Variants in SPAG9 observed in about 807,000 individuals in gnomAD.
The protein encoded by SPAG9 is sperm associated antigen 9.
Under a neutral mutation model 166.5 loss-of-function variants are expected in SPAG9, and 35 were observed. That is an observed-to-expected ratio of 0.21 (90% confidence interval 0.16 to 0.28). SPAG9 has a LOEUF of 0.28. Among genes scored for constraint, SPAG9 ranks in the 10% least tolerant of loss-of-function variants. SPAG9 has a pLI of 1.00. For missense variants in SPAG9, 1,235 were observed against 1,603.3 expected (o/e 0.77, Z 3.92); for synonymous variants, 534 against 565.5 (o/e 0.94, Z 0.79).
chr17:50,989,334 T>C (rs75733743), intron 21 of SPAG9, among the ~76,000 whole-genome samples: 5,087 of 152,288 alleles, frequency 0.033, 227 homozygotes, highest in East Asian at 0.19. Context: ...TGATAAGCCA[T>C]ACCATCTAGA....
At position 51,021,940 on chromosome 17, in the gene SPAG9, T is replaced by C. The variant is rs372743667; in HGVS notation, c.784-575A>G. 6.6e-5 allele frequency among the ~76,000 whole-genome samples: 10 copies of C among 152,014 alleles called. No individual in the cohort carries two copies. The East Asian group carries it at 7.7e-4, about 12-fold the overall frequency. ...GAGTTCGAGACCAGCCTGGCCAACA[T>C]GGTGAAACCCCGTCTCTACTAAAAA... On this transcript the variant is annotated intron_variant, in intron 6 of 29. Coordinates refer to ENST00000262013, the MANE Select transcript of SPAG9 (RefSeq NM_001130528.3).
chr17:51,066,803 A>G (rs1417386435), intron 2 of SPAG9, among the ~76,000 whole-genome samples: 1 of 151,992 alleles, frequency 6.6e-6, no homozygotes, highest in African/African-American at 2.4e-5. Flanking sequence ...GAGGCAGGGG[A>G]ATCGCTTGAA....
At chr17:51,113,862 G>A (rs974235316) in intron 1 of SPAG9, among the ~76,000 whole-genome samples, 2 of 151,830 alleles carry the variant, frequency 1.3e-5, no homozygotes, top group Non-Finnish European at 2.9e-5. Flanking sequence ...AGGCATGGCG[G>A]CATGATCCTG....
chr17:51,049,519 A>T (rs570023834), intron 3 of SPAG9, among the ~76,000 whole-genome samples: 17 of 152,102 alleles, frequency 1.1e-4, no homozygotes, highest in African/African-American at 3.1e-4. Context: ...CTACAAAAAA[A>T]TTTTTAAAAA....
intron 2 of SPAG9, among the ~76,000 whole-genome samples, chr17:51,075,831 A>T (rs879573206): frequency 6.6e-5 from 10 of 152,008 alleles, no homozygotes; most frequent in Non-Finnish European, 1.2e-4. Flanking sequence ...CTCTGAGAAA[A>T]AAAGAAAAAG....
rs1239063121 is a variant in SPAG9, at chr17:50,965,035, A to G, written c.*1237T>C. The G allele has an allele frequency of 1.3e-5, 2 of 153,512 alleles. No homozygotes were observed. Among genetic ancestry groups the G allele is most frequent in the African/African-American group, 4.8e-5 (2 of 41,282 alleles). 9.5% of individuals were successfully genotyped at this position (153,512 alleles called of 1,614,324 possible). A position where few individuals can be genotyped will look rare whatever the true frequency, so the allele number is the denominator to read the frequency against. Reference sequence around the variant, plus strand: ...CTCAGCCTCCTAAAGTGTTGGGATTACAGGCGTGAGCCACCATGCCCAACC... The same window carrying G: ...CTCAGCCTCCTAAAGTGTTGGGATTGCAGGCGTGAGCCACCATGCCCAACC... On this transcript the variant is annotated 3_prime_UTR_variant, in exon 30 of 30. Coordinates refer to ENST00000262013, the MANE Select transcript of SPAG9 (RefSeq NM_001130528.3).
intron 1 of SPAG9, among the ~76,000 whole-genome samples, chr17:51,108,012 C>T (rs138924650): frequency 6.6e-6 from 1 of 150,862 alleles, no homozygotes; most frequent in Non-Finnish European, 1.5e-5. Flanking sequence ...AAAAGAATTT[C>T]TCAGGCTCTA....
chr17:50,984,848 C>T, intron 24 of SPAG9, 75 bp downstream of exon 24: 1 of 1,151,432 alleles, frequency 8.7e-7, no homozygotes, highest in Non-Finnish European at 1.3e-6. Flanking sequence ...TTCTTTAAAA[C>T]ATAAACCAAT....
At chr17:51,016,671 C>A (rs1032106904) in intron 8 of SPAG9, among the ~76,000 whole-genome samples, 10 of 152,116 alleles carry the variant, frequency 6.6e-5, no homozygotes, top group African/African-American at 2.4e-4. Flanking sequence ...CACTGGGAGG[C>A]CAAGGCGGGT....
At chr17:51,030,461 ATATACTTT>A (rs1195268118) in intron 6 of SPAG9, among the ~76,000 whole-genome samples, 3 of 152,182 alleles carry the variant, frequency 2.0e-5, no homozygotes, top group South Asian at 4.1e-4. Flanking sequence ...ATTAACACAA[ATATACTTT>A]TATACCTACA....
chr17:50,969,299 G>C (rs1479906679), intron 29 of SPAG9, among the ~76,000 whole-genome samples: 2 of 152,034 alleles, frequency 1.3e-5, no homozygotes, highest in East Asian at 3.9e-4. Flanking sequence ...TGCTCTTCAA[G>C]ATCAACATGA....
chr17:51,076,993 T>TCTAG lies in SPAG9; in HGVS notation c.424+2587_424+2590dup, dbSNP rs1206508700. On this transcript the variant is annotated intron_variant, in intron 2 of 29. Transcript: ENST00000262013. ...TCTATCTATCTATCTTATCTAGCTATCTAGCTATCTAGCTAGCTAGCTAGC... is the reference window on the plus strand; with the variant it reads ...TCTATCTATCTATCTTATCTAGCTATCTAGCTAGCTATCTAGCTAGCTAGCTAGC... Among the ~76,000 whole-genome samples the TCTAG allele has an allele frequency of 2.0e-3, 171 of 85,856 alleles. 3 individuals are homozygous for TCTAG. Among genetic ancestry groups the TCTAG allele is most frequent in the African/African-American group, 6.8e-3 (148 of 21,728 alleles). The allele number at this position is 85,856 out of a possible 152,430, so 56.3% of individuals were successfully genotyped here. A position where few individuals can be genotyped will look rare whatever the true frequency, so the allele number is the denominator to read the frequency against.
At chr17:51,027,529 T>A (rs2046230688) in intron 6 of SPAG9, among the ~76,000 whole-genome samples, 2 of 151,876 alleles carry the variant, frequency 1.3e-5, no homozygotes, top group South Asian at 4.1e-4. Context: ...ATGTGCCACA[T>A]CTGCATAATG....
intron 3 of SPAG9, among the ~76,000 whole-genome samples, chr17:51,052,636 C>CA (rs879699119): frequency 0.065 from 8,148 of 125,644 alleles, 637 homozygotes; most frequent in African/African-American, 0.2. Flanking sequence ...TAGAAATAGA[C>CA]AAAAAAAAAA....
At chr17:51,073,419 T>A (rs1449460281) in intron 2 of SPAG9, among the ~76,000 whole-genome samples, 1 of 151,104 alleles carries the variant, frequency 6.6e-6, no homozygotes, top group Middle Eastern at 3.2e-3. Context: ...GCCTGGGAGG[T>A]TGAGGCTACA....
chr17:50,978,460 A>C (rs1305203365), intron 26 of SPAG9, among the ~76,000 whole-genome samples: 3 of 152,212 alleles, frequency 2.0e-5, no homozygotes, highest in East Asian at 3.8e-4. Context: ...GACATTTCTA[A>C]TAATCATTAT....
chr17:50,969,358 GAC>G lies in SPAG9; in HGVS notation c.3850+1347_3850+1348del, dbSNP rs1174517726. The stretch of plus-strand genomic sequence containing the variant: ...TCCCTCCAGACCTGCTTCTCCTGTT[GAC>G]AGTCCTGAGCTCTATGGCCCATTCT... On this transcript the variant is annotated intron_variant, in intron 29 of 29. Coordinates refer to ENST00000262013, the MANE Select transcript of SPAG9 (RefSeq NM_001130528.3). 3.3e-5 allele frequency among the ~76,000 whole-genome samples: 5 copies of G among 152,048 alleles called. No individual in the cohort carries two copies. The East Asian group carries it at 9.6e-4, about 29-fold the overall frequency.
intron 27 of SPAG9, chr17:50,975,237 AC>A (rs1974126990): frequency 6.8e-6 from 2 of 295,460 alleles, no homozygotes; most frequent in South Asian, 5.6e-5. Context: ...TAAAAAAAAA[AC>A]AAATTTGAAT....
intron 14 of SPAG9, among the ~76,000 whole-genome samples, chr17:50,999,124 G>A (rs920110973): frequency 3.3e-5 from 5 of 151,938 alleles, no homozygotes; most frequent in African/African-American, 9.7e-5. Context: ...AACTACTTTC[G>A]GGTCTATTTC....
Sources: gnomAD v4.1 joint callset for allele counts (sites outside exome capture counted in the v4.1 genomes callset) on GRCh38, gnomAD v4.1.1 for gene constraint, MANE v1.5 for transcripts, NCBI Gene and HGNC (gene_info 2026-07-23, HGNC 2026-07-21) for gene names.